The following SLC9C1 variants were observed in gnomAD, a reference collection of about 807,000 sequenced individuals.
SLC9C1 encodes the protein sodium/hydrogen exchanger 10.
SLC9C1 carries 97 observed loss-of-function variants against 140.9 expected under a neutral mutation model. The ratio of observed to expected loss-of-function variants is 0.69; its 90% CI spans 0.58 to 0.82. The LOEUF is 0.82. Among genes scored for constraint, SLC9C1 ranks in the 40% least tolerant of loss-of-function variants. The pLI, the probability that SLC9C1 is intolerant of heterozygous loss-of-function variation, is 0.00. For synonymous variants in SLC9C1, 440 were observed against 442.6 expected, an observed-to-expected ratio of 0.99 and a Z score of 0.07; for missense variants, 1,340 against 1,389.3, an observed-to-expected ratio of 0.96 and a Z score of 0.56.
At chr3:112,193,310 A>G (rs189569087) in intron 20 of SLC9C1, among the ~76,000 whole-genome samples, 1 of 152,214 alleles carries the variant, frequency 6.6e-6, no homozygotes, top group African/African-American at 2.4e-5. Context: ...GCATGCGACT[A>G]TTTAGCTGGC....
At chr3:112,278,886 C>A (rs756686462) in intron 3 of SLC9C1, 29 bp from the exon 4 acceptor site, 1 of 1,588,598 alleles carries the variant, frequency 6.3e-7, no homozygotes, top group South Asian at 1.1e-5. Context: ...ATCATCTTCT[C>A]ATTTATTCAT....
intron 10 of SLC9C1, among the ~76,000 whole-genome samples, chr3:112,260,062 G>A (rs1451919332): frequency 6.6e-6 from 1 of 151,984 alleles, no homozygotes; most frequent in Admixed American, 6.6e-5. Context: ...CTGATTTTCT[G>A]TCTAGTTGTT....
At chr3:112,257,422 C>T (rs1378814371) in intron 10 of SLC9C1, among the ~76,000 whole-genome samples, 1 of 152,044 alleles carries the variant, frequency 6.6e-6, no homozygotes, top group Non-Finnish European at 1.5e-5. Context: ...TTATCTTGGA[C>T]AAGGCTGTCA....
intron 20 of SLC9C1, among the ~76,000 whole-genome samples, chr3:112,190,218 C>G (rs921854289): frequency 2.0e-5 from 3 of 152,088 alleles, no homozygotes; most frequent in African/African-American, 4.8e-5. Flanking sequence ...AATGGAATAC[C>G]CTTTATTTCT....
chr3:112,165,773 G>A (rs1186570122), intron 26 of SLC9C1, among the ~76,000 whole-genome samples: 1 of 152,188 alleles, frequency 6.6e-6, no homozygotes, highest in African/African-American at 2.4e-5. Flanking sequence ...TGTGTGCTAG[G>A]AGAACCACTA....
chr3:112,218,227 T>C (rs1245151716), intron 14 of SLC9C1, among the ~76,000 whole-genome samples: 1 of 151,816 alleles, frequency 6.6e-6, no homozygotes, highest in Non-Finnish European at 1.5e-5. Context: ...TATGATCATG[T>C]CTTGTTTAGC....
rs374881198 is a variant in SLC9C1, at chr3:112,280,823, C to T, written c.89-40G>A. 14 of 1,547,228 alleles carry T rather than the reference C, an allele frequency of 9.0e-6. No individual in the cohort carries two copies. In the African/African-American group the frequency reaches 1.9e-4, roughly 21 times the overall value. On this transcript the variant is annotated intron_variant, in intron 2 of 28. Coordinates refer to ENST00000305815, the MANE Select transcript of SLC9C1 (RefSeq NM_183061.3). ...TTGTTACTGAAAGGCAATGAGATAT[C>T]TCATTTATAGAACTTTAATGTGACA...
intron 23 of SLC9C1, among the ~76,000 whole-genome samples, chr3:112,170,595 T>C (rs2077227686): frequency 2.0e-5 from 3 of 152,210 alleles, no homozygotes; most frequent in African/African-American, 4.8e-5. Context: ...TACTAACAAT[T>C]ATTTGACCTT....
At chr3:112,261,811 T>G (rs1299319812) in intron 10 of SLC9C1, among the ~76,000 whole-genome samples, 2 of 152,086 alleles carry the variant, frequency 1.3e-5, no homozygotes, top group African/African-American at 4.8e-5. Flanking sequence ...TGTACATTTT[T>G]TGTTTCTCAT....
At chr3:112,166,869 T>A (rs890852226) in intron 26 of SLC9C1, among the ~76,000 whole-genome samples, 1 of 152,178 alleles carries the variant, frequency 6.6e-6, no homozygotes, top group Non-Finnish European at 1.5e-5. Context: ...AAATTATTCA[T>A]CTAGTTCCAG....
At chr3:112,200,567 T>A in intron 19 of SLC9C1, 144 bp downstream of exon 19, 1 of 668,212 alleles carries the variant, frequency 1.5e-6, no homozygotes. Flanking sequence ...GAAAATAAGA[T>A]TGCATTGATT....
At chr3:112,213,408 G>T (rs4258934) in intron 15 of SLC9C1, among the ~76,000 whole-genome samples, 114,765 of 151,948 alleles carry the variant, frequency 0.76, 43,743 homozygotes, top group East Asian at 0.99. Flanking sequence ...AGACACAGAC[G>T]GGCAAGTTGG....
At position 112,180,555 on chromosome 3, in the gene SLC9C1, CT is replaced by C; in HGVS notation, c.2748+8del. ...AAAAAACAAAACAAAACAAAAACCT[CT>C]GCCTTACCTTTACCATGCCTGAAAT... On this transcript the variant is annotated splice_region_variant and intron_variant, in intron 22 of 28. Coordinates refer to ENST00000305815, the MANE Select transcript of SLC9C1 (RefSeq NM_183061.3). The C allele has an allele frequency of 6.3e-7, 1 of 1,589,544 alleles. No individual in the cohort carries two copies. Among genetic ancestry groups the C allele is most frequent in the East Asian group, 2.2e-5 (1 of 44,560 alleles).
chr3:112,154,103 A>AG (rs377490496), intron 27 of SLC9C1, among the ~76,000 whole-genome samples: 1 of 354 alleles, frequency 2.8e-3, no homozygotes, highest in Non-Finnish European at 0.036. Context: ...GTCTGTTCTC[A>AG]GGTTTATGTC....
chr3:112,208,789 T>C (rs2078123690), intron 15 of SLC9C1, among the ~76,000 whole-genome samples: 1 of 152,178 alleles, frequency 6.6e-6, no homozygotes, highest in African/African-American at 2.4e-5. Context: ...GTTTATAAAA[T>C]GATTATCCAT....
intron 23 of SLC9C1, among the ~76,000 whole-genome samples, chr3:112,174,536 C>T (rs2077301583): frequency 6.6e-6 from 1 of 152,154 alleles, no homozygotes; most frequent in African/African-American, 2.4e-5. Context: ...GAGCCTCTCC[C>T]TGGGCAACCT....
At chr3:112,165,378 G>GT (rs1203969762) in intron 26 of SLC9C1, among the ~76,000 whole-genome samples, 9 of 152,236 alleles carry the variant, frequency 5.9e-5, no homozygotes, top group African/African-American at 1.9e-4. Flanking sequence ...TTTCTGCTCT[G>GT]TTTTTTCCCC....
At chr3:112,182,290 C>A in intron 20 of SLC9C1, 32 bp from the exon 21 acceptor site, 2 of 1,580,316 alleles carry the variant, frequency 1.3e-6, no homozygotes, top group Non-Finnish European at 1.7e-6. Context: ...AAGGGATGAA[C>A]CAAACTGCTG....
intron 12 of SLC9C1, among the ~76,000 whole-genome samples, chr3:112,232,563 A>AT (rs1184527143): frequency 3.3e-5 from 5 of 152,062 alleles, no homozygotes; most frequent in Non-Finnish European, 7.4e-5. Flanking sequence ...TATGAAATGG[A>AT]TTTTTTCAGA....
Sources: gnomAD v4.1 joint callset for allele counts (sites outside exome capture counted in the v4.1 genomes callset) on GRCh38, gnomAD v4.1.1 for gene constraint, MANE v1.5 for transcripts, NCBI Gene and HGNC (gene_info 2026-07-23, HGNC 2026-07-21) for gene names.